The following GLRA1 variants were observed in gnomAD, a reference collection of about 807,000 sequenced individuals.
GLRA1 encodes the protein glycine receptor subunit alpha-1.
In GLRA1, 37 loss-of-function variants were observed where a neutral mutation model predicts 48.3. That is an observed-to-expected ratio of 0.77 (90% CI 0.59 to 1.01). The LOEUF is 1.01. Ranked by LOEUF, GLRA1 falls within the 50% of genes least tolerant of loss-of-function variation. The probability of loss-of-function intolerance (pLI) is 0.00; values close to 1 mark genes in which losing one functional copy is unlikely to be tolerated. For synonymous variants in GLRA1, 196 were observed against 210.7 expected, an observed-to-expected ratio of 0.93 and a Z score of 0.60; for missense variants, 427 against 571.0, an observed-to-expected ratio of 0.75 and a Z score of 2.57.
At chr5:151,901,668 G>A (rs917109631) in intron 1 of GLRA1, among the ~76,000 whole-genome samples, 1 of 152,192 alleles carries the variant, frequency 6.6e-6, no homozygotes, top group Non-Finnish European at 1.5e-5. Flanking sequence ...AGCAGGCATT[G>A]GTCATTTGAG....
chr5:151,835,045 AAAAAAG>A (rs1432642745), intron 7 of GLRA1, among the ~76,000 whole-genome samples: 11 of 150,956 alleles, frequency 7.3e-5, no homozygotes, highest in South Asian at 2.1e-4. Flanking sequence ...AAAAAAAAAA[AAAAAAG>A]AGAAGAATGA....
intron 3 of GLRA1, among the ~76,000 whole-genome samples, chr5:151,879,957 TAGTG>T (rs1753722499): frequency 6.6e-6 from 1 of 152,200 alleles, no homozygotes; most frequent in South Asian, 2.1e-4. Flanking sequence ...GTTCTTGTGA[TAGTG>T]AGTAAGTCTC....
chr5:151,854,986 A>C (rs1259627652), intron 6 of GLRA1, 54 bp downstream of exon 6: 1 of 1,564,512 alleles, frequency 6.4e-7, no homozygotes, highest in Non-Finnish European at 8.8e-7. Context: ...GTCTGAAATG[A>C]CCTCTGGTCC....
At chr5:151,891,518 G>A (rs1195788245) in intron 2 of GLRA1, among the ~76,000 whole-genome samples, 1 of 152,036 alleles carries the variant, frequency 6.6e-6, no homozygotes, top group Non-Finnish European at 1.5e-5. Flanking sequence ...GGAAACATGG[G>A]GCCTACATTT....
Position 151,842,589 on chromosome 5 carries a change from G to A in GLRA1, c.912+8801C>T, listed in dbSNP as rs78182619. Among the ~76,000 whole-genome samples, 1,311 of 152,220 alleles carry A rather than the reference G, an allele frequency of 8.6e-3. 16 individuals are homozygous for A. The highest frequency in any genetic ancestry group is 0.03 in the African/African-American group (1,258 of 41,552). ...AAAAATACTCCACACATTAAGAATA[G>A]AAAACTTCCTCAAACTGTAAAGGGC... On this transcript the variant is annotated intron_variant, in intron 7 of 8. Transcript: ENST00000274576.
chr5:151,863,951 T>C lies in GLRA1; in HGVS notation c.253-3943A>G, dbSNP rs990930907. On this transcript the variant is annotated intron_variant, in intron 3 of 8. Coordinates refer to ENST00000274576, the MANE Select transcript of GLRA1 (RefSeq NM_000171.4). ...CCTCTCCCTCCAGCCCCATAGAAAGTGACATTTGGCCTCATAATCTCACAT... is the reference window on the plus strand; with the variant it reads ...CCTCTCCCTCCAGCCCCATAGAAAGCGACATTTGGCCTCATAATCTCACAT... Among the ~76,000 whole-genome samples, 3 of 152,300 alleles carry C rather than the reference T, an allele frequency of 2.0e-5. No homozygotes were observed. The South Asian group carries it at 6.2e-4, about 32-fold the overall frequency.
intron 3 of GLRA1, among the ~76,000 whole-genome samples, chr5:151,871,739 T>C (rs951039885): frequency 6.7e-6 from 1 of 149,374 alleles, no homozygotes. Context: ...TTTTTTTATG[T>C]ATTTTTAGTA....
intron 1 of GLRA1, among the ~76,000 whole-genome samples, chr5:151,921,539 G>A (rs1030567247): frequency 2.6e-5 from 4 of 152,188 alleles, no homozygotes; most frequent in African/African-American, 7.2e-5. Flanking sequence ...TGTCAACAGC[G>A]CAGAGCTGGA....
At chr5:151,857,276 T>C (rs566739766) in intron 4 of GLRA1, among the ~76,000 whole-genome samples, 1 of 152,340 alleles carries the variant, frequency 6.6e-6, no homozygotes, top group East Asian at 1.9e-4. Context: ...TATGTGTGTA[T>C]TTCCAAGTTC....
At chr5:151,845,039 AATTTT>A (rs1408484171) in intron 7 of GLRA1, among the ~76,000 whole-genome samples, 2 of 152,230 alleles carry the variant, frequency 1.3e-5, no homozygotes, top group Admixed American at 6.5e-5. Flanking sequence ...TTTATTTTTA[AATTTT>A]ATTTTAAGTC....
chr5:151,894,806 A>C (rs1754190587), intron 1 of GLRA1, among the ~76,000 whole-genome samples: 1 of 152,244 alleles, frequency 6.6e-6, no homozygotes. Flanking sequence ...ACATGGATTA[A>C]CAATTTAAAA....
At chr5:151,848,876 C>G in intron 7 of GLRA1, 1 of 634,102 alleles carries the variant, frequency 1.6e-6, no homozygotes, top group Non-Finnish European at 3.0e-6. Flanking sequence ...GCCCAGAACA[C>G]CTTCCACCAT....
chr5:151,853,812 T>C (rs566223730), intron 6 of GLRA1, among the ~76,000 whole-genome samples: 4 of 152,312 alleles, frequency 2.6e-5, no homozygotes, highest in Non-Finnish European at 5.9e-5. Context: ...TGTCCTCATG[T>C]CTTCTAGAAG....
intron 1 of GLRA1, among the ~76,000 whole-genome samples, chr5:151,906,468 A>C (rs995340122): frequency 6.6e-6 from 1 of 152,164 alleles, no homozygotes; most frequent in African/African-American, 2.4e-5. Context: ...AACAGGCTGG[A>C]GCAGGTCCAA....
At chr5:151,845,069 C>T (rs974731252) in intron 7 of GLRA1, among the ~76,000 whole-genome samples, 1 of 152,004 alleles carries the variant, frequency 6.6e-6, no homozygotes, top group Admixed American at 6.6e-5. Flanking sequence ...GATACATATG[C>T]AGAACATGCA....
intron 7 of GLRA1, among the ~76,000 whole-genome samples, chr5:151,837,201 A>T (rs1763600633): frequency 6.6e-6 from 1 of 151,638 alleles, no homozygotes; most frequent in African/African-American, 2.4e-5. Flanking sequence ...GTCAACAAAC[A>T]TATGAAAACA....
intron 3 of GLRA1, among the ~76,000 whole-genome samples, chr5:151,860,514 G>A (rs1753168443): frequency 6.6e-6 from 1 of 152,196 alleles, no homozygotes; most frequent in Admixed American, 6.5e-5. Flanking sequence ...CAAAGCTGAT[G>A]TCTGAGCATT....
chr5:151,902,234 A>T (rs1479629947), intron 1 of GLRA1, among the ~76,000 whole-genome samples: 1 of 152,088 alleles, frequency 6.6e-6, no homozygotes, highest in South Asian at 2.1e-4. Flanking sequence ...AGGTGATGAC[A>T]CTGAGGCTCG....
At chr5:151,917,748 G>T (rs79474618) in intron 1 of GLRA1, among the ~76,000 whole-genome samples, 1 of 152,110 alleles carries the variant, frequency 6.6e-6, no homozygotes, top group African/African-American at 2.4e-5. Flanking sequence ...CCTTCCTACC[G>T]CAAGATTCCA....
Sources: gnomAD v4.1 joint callset for allele counts (sites outside exome capture counted in the v4.1 genomes callset) on GRCh38, gnomAD v4.1.1 for gene constraint, MANE v1.5 for transcripts, NCBI Gene and HGNC (gene_info 2026-07-23, HGNC 2026-07-21) for gene names.